Variants in SV2C observed in about 807,000 individuals in gnomAD.
SV2C encodes the protein solute carrier family 22 member B3.
A neutral mutation model predicts 79.7 loss-of-function variants in SV2C; 49 were observed. The observed-to-expected ratio is 0.61, with a 90% CI of 0.49 to 0.78. The LOEUF (loss-of-function observed/expected upper bound fraction) is 0.78. Among genes scored for constraint, SV2C ranks in the 30% least tolerant of loss-of-function variants. The probability of loss-of-function intolerance (pLI) is 0.00; values close to 1 mark genes in which losing one functional copy is unlikely to be tolerated. For missense variants in SV2C, 833 were observed against 912.9 expected, an observed-to-expected ratio of 0.91 and a Z score of 1.13; for synonymous variants, 334 against 333.2, an observed-to-expected ratio of 1.00 and a Z score of -0.03.
chr5:75,905,957 A>G, the SV2C span, among the ~76,000 whole-genome samples: 1 of 148,592 alleles, frequency 6.7e-6, no homozygotes, highest in African/African-American at 2.5e-5. Context: ...TCCTAAGTCC[A>G]GTGTCTGATG....
At chr5:76,266,534 T>C (rs918781220) in intron 4 of SV2C, among the ~76,000 whole-genome samples, 5 of 152,216 alleles carry the variant, frequency 3.3e-5, no homozygotes, top group African/African-American at 9.6e-5. Context: ...GAAGACATTA[T>C]GGTAAGTGAA....
At chr5:76,007,399 A>G in the SV2C span, among the ~76,000 whole-genome samples, 1 of 152,158 alleles carries the variant, frequency 6.6e-6, no homozygotes, top group South Asian at 2.1e-4. Flanking sequence ...TCATTTGTAA[A>G]AAGAGAGTGA....
chr5:76,120,868 T>C (rs1274760577), intron 1 of SV2C, among the ~76,000 whole-genome samples: 1 of 150,944 alleles, frequency 6.6e-6, no homozygotes, highest in East Asian at 1.9e-4. Flanking sequence ...TTTATAGTCC[T>C]TTGGGTATAT....
the SV2C span, among the ~76,000 whole-genome samples, chr5:75,899,335 T>C: frequency 6.6e-6 from 1 of 152,260 alleles, no homozygotes; most frequent in Non-Finnish European, 1.5e-5. Flanking sequence ...TACCCAGTAG[T>C]CATTCAGGAG....
chr5:76,207,055 G>A (rs916422843), intron 3 of SV2C, among the ~76,000 whole-genome samples: 1 of 151,922 alleles, frequency 6.6e-6, no homozygotes, highest in Admixed American at 6.6e-5. Flanking sequence ...ATAAAAACCA[G>A]CCAGATTGCC....
At chr5:76,084,118 G>C (rs1158262293) in intron 1 of SV2C, 2 of 152,380 alleles carry the variant, frequency 1.3e-5, no homozygotes, top group Non-Finnish European at 1.5e-5. Context: ...GTCTAAGAGA[G>C]AGCAAGAGAG....
chr5:75,954,162 G>A, the SV2C span, among the ~76,000 whole-genome samples: 7 of 151,928 alleles, frequency 4.6e-5, no homozygotes, highest in Non-Finnish European at 8.8e-5. Context: ...CAAAGGGGAC[G>A]CACTGCCTTA....
the SV2C span, among the ~76,000 whole-genome samples, chr5:75,982,456 A>G: frequency 6.6e-6 from 1 of 152,156 alleles, no homozygotes; most frequent in Non-Finnish European, 1.5e-5. Context: ...TTAAAAGTCA[A>G]AACACAACAG....
chr5:75,866,683 C>G, the SV2C span, among the ~76,000 whole-genome samples: 6 of 152,148 alleles, frequency 3.9e-5, no homozygotes, highest in African/African-American at 1.4e-4. Flanking sequence ...AACCTGATGG[C>G]AGGTGAATAA....
intron 2 of SV2C, among the ~76,000 whole-genome samples, chr5:76,178,649 T>C (rs940426383): frequency 1.9e-4 from 29 of 152,236 alleles, no homozygotes; most frequent in African/African-American, 6.8e-4. Context: ...GGGCATGTTC[T>C]TAAAGGACCT....
At chr5:76,081,366 C>T (rs903879041), upstream of SV2C, among the ~76,000 whole-genome samples, 15 of 152,178 alleles carry the variant, frequency 9.9e-5, no homozygotes, top group African/African-American at 3.6e-4. Context: ...GCACATTTTG[C>T]AGTTGGAAGC....
chr5:75,917,662 G>C, the SV2C span, among the ~76,000 whole-genome samples: 1 of 152,140 alleles, frequency 6.6e-6, no homozygotes, highest in Non-Finnish European at 1.5e-5. Context: ...AGTTACCAGA[G>C]GCTAGGAAGG....
intron 12 of SV2C, among the ~76,000 whole-genome samples, chr5:76,342,423 C>T (rs574970675): frequency 6.6e-6 from 1 of 152,298 alleles, no homozygotes; most frequent in South Asian, 2.1e-4. Context: ...TCACAGCAGG[C>T]CAAGTTTACA....
At chr5:76,111,465 G>A (rs766657197) in intron 1 of SV2C, among the ~76,000 whole-genome samples, 31 of 152,138 alleles carry the variant, frequency 2.0e-4, no homozygotes, top group Non-Finnish European at 5.9e-5. Flanking sequence ...GCGAGGAAAT[G>A]TATTTTGTCC....
intron 1 of SV2C, among the ~76,000 whole-genome samples, chr5:76,093,441 A>G (rs1299757647): frequency 6.6e-6 from 1 of 152,204 alleles, no homozygotes; most frequent in Non-Finnish European, 1.5e-5. Context: ...AGAGCCCCTA[A>G]TTAATTGCAC....
the SV2C span, among the ~76,000 whole-genome samples, chr5:75,898,274 A>T: frequency 6.6e-6 from 1 of 152,176 alleles, no homozygotes; most frequent in Non-Finnish European, 1.5e-5. Context: ...AGCTTTTAGC[A>T]TGAAGATTGT....
At chr5:76,348,818 G>T (rs569106453) in intron 12 of SV2C, among the ~76,000 whole-genome samples, 126 of 152,130 alleles carry the variant, frequency 8.3e-4, no homozygotes, top group African/African-American at 2.9e-3. Flanking sequence ...GGCCAAGATG[G>T]TGAAACCCCA....
At chr5:75,960,916 C>T in the SV2C span, among the ~76,000 whole-genome samples, 1 of 152,078 alleles carries the variant, frequency 6.6e-6, no homozygotes, top group East Asian at 1.9e-4. Flanking sequence ...TTTGCACATA[C>T]TTCTTTCATA....
chr5:76,320,703 T>G (rs766176458), intron 12 of SV2C, among the ~76,000 whole-genome samples: 10 of 152,170 alleles, frequency 6.6e-5, no homozygotes, highest in Non-Finnish European at 1.3e-4. Context: ...ACACAACATA[T>G]AGGCTCAAGC....
Sources: allele counts gnomAD v4.1 joint callset (sites outside exome capture counted in the v4.1 genomes callset), GRCh38; gene constraint gnomAD v4.1.1; transcripts MANE v1.5; gene names NCBI Gene and HGNC (gene_info 2026-07-23, HGNC 2026-07-21).